The following SYT1 variants were observed in gnomAD, a reference collection of about 807,000 sequenced individuals.
The protein encoded by SYT1 is synaptotagmin 1.
A neutral mutation model predicts 44.8 loss-of-function variants in SYT1; 8 were observed. The observed-to-expected ratio is 0.18, with a 90% CI of 0.10 to 0.32. The LOEUF (loss-of-function observed/expected upper bound fraction) is 0.32, where lower values mean the gene tolerates loss of function less well. SYT1 is among the 10% of genes least tolerant of loss of function. The pLI is 1.00. For missense variants in SYT1, 286 were observed against 509.3 expected (o/e 0.56, Z 4.22); for synonymous variants, 154 against 188.8 (o/e 0.82, Z 1.51).
intron 1 of SYT1, among the ~76,000 whole-genome samples, chr12:78,931,180 A>AG (rs200014131): frequency 4.6e-3 from 71 of 15,334 alleles, no homozygotes; most frequent in Non-Finnish European, 6.3e-3. Flanking sequence ...AAAGAAAGAA[A>AG]AAGAAAGAAA....
chr12:79,381,866 A>G (rs1315199525), intron 9 of SYT1, among the ~76,000 whole-genome samples: 2 of 152,182 alleles, frequency 1.3e-5, no homozygotes, highest in Non-Finnish European at 2.9e-5. Context: ...TGACATGAAC[A>G]GATAAAATAA....
intron 1 of SYT1, among the ~76,000 whole-genome samples, chr12:78,943,330 C>T (rs571108528): frequency 1.3e-5 from 2 of 152,248 alleles, no homozygotes; most frequent in African/African-American, 4.8e-5. Context: ...GGCATCTGCA[C>T]AGCTTCTGGG....
At chr12:78,933,381 G>C (rs1877862187) in intron 1 of SYT1, among the ~76,000 whole-genome samples, 1 of 152,134 alleles carries the variant, frequency 6.6e-6, no homozygotes, top group Non-Finnish European at 1.5e-5. Context: ...AAAGGAGCTA[G>C]AACTTACTAA....
chr12:79,297,698 A>G (rs1879940928), intron 7 of SYT1, among the ~76,000 whole-genome samples: 1 of 152,162 alleles, frequency 6.6e-6, no homozygotes, highest in Admixed American at 6.5e-5. Flanking sequence ...ATTCTGCTAT[A>G]TTAAAAAATA....
intron 2 of SYT1, among the ~76,000 whole-genome samples, chr12:79,035,860 T>G (rs954921761): frequency 1.3e-5 from 2 of 151,572 alleles, no homozygotes; most frequent in African/African-American, 4.8e-5. Context: ...ACTGTACATC[T>G]TTGAACCTCA....
At chr12:78,871,462 T>C (rs1400089183) in intron 1 of SYT1, among the ~76,000 whole-genome samples, 1 of 151,978 alleles carries the variant, frequency 6.6e-6, no homozygotes, top group Non-Finnish European at 1.5e-5. Flanking sequence ...CAATATCCTA[T>C]GCCATACAAA....
intron 9 of SYT1, among the ~76,000 whole-genome samples, chr12:79,375,052 T>C (rs921981072): frequency 2.0e-5 from 3 of 152,232 alleles, no homozygotes; most frequent in African/African-American, 7.2e-5. Context: ...TTTTTATTTA[T>C]GGATACTGAT....
At chr12:78,944,611 G>T (rs1273532893) in intron 1 of SYT1, among the ~76,000 whole-genome samples, 1 of 151,920 alleles carries the variant, frequency 6.6e-6, no homozygotes, top group Non-Finnish European at 1.5e-5. Flanking sequence ...TAAAGTAAAA[G>T]AATATTGTGA....
intron 3 of SYT1, among the ~76,000 whole-genome samples, chr12:79,169,176 C>T (rs1375338721): frequency 6.6e-6 from 1 of 151,988 alleles, no homozygotes; most frequent in African/African-American, 2.4e-5. Flanking sequence ...CCCATTAATT[C>T]CAGTGCCTCA....
At chr12:79,251,999 G>GATAGATAA (rs1409207712) in intron 4 of SYT1, among the ~76,000 whole-genome samples, 1 of 151,784 alleles carries the variant, frequency 6.6e-6, no homozygotes, top group Non-Finnish European at 1.5e-5. Context: ...TAGATAGATA[G>GATAGATAA]ATAGATAGAT....
At chr12:79,339,455 G>A (rs1342261227) in intron 8 of SYT1, among the ~76,000 whole-genome samples, 2 of 152,178 alleles carry the variant, frequency 1.3e-5, no homozygotes, top group Non-Finnish European at 2.9e-5. Context: ...TCTGTTGGCT[G>A]CATAAATGTC....
At chr12:79,343,798 T>C (rs895670691) in intron 8 of SYT1, among the ~76,000 whole-genome samples, 5 of 152,166 alleles carry the variant, frequency 3.3e-5, no homozygotes, top group African/African-American at 1.2e-4. Flanking sequence ...GGGATAAAAG[T>C]AAATATAAAT....
chr12:79,241,275 T>A (rs28689980), intron 4 of SYT1, among the ~76,000 whole-genome samples: 8 of 144,670 alleles, frequency 5.5e-5, no homozygotes, highest in African/African-American at 1.0e-4. Flanking sequence ...TTTTTTTTTT[T>A]AATTTTATTT....
At chr12:79,238,276 G>T (rs893870181) in intron 4 of SYT1, among the ~76,000 whole-genome samples, 5 of 152,088 alleles carry the variant, frequency 3.3e-5, no homozygotes, top group Admixed American at 1.3e-4. Flanking sequence ...TCCTTTGTGG[G>T]CTTTAAGGAA....
chr12:79,260,882 T>A (rs1279727207), intron 4 of SYT1, among the ~76,000 whole-genome samples: 1 of 152,082 alleles, frequency 6.6e-6, no homozygotes, highest in East Asian at 1.9e-4. Flanking sequence ...TATTAAAATA[T>A]CCAACCATAT....
chr12:79,097,886 GT>G (rs1411525460), intron 3 of SYT1, among the ~76,000 whole-genome samples: 13 of 152,006 alleles, frequency 8.6e-5, no homozygotes, highest in Non-Finnish European at 1.9e-4. Context: ...GCCTTCTTTA[GT>G]GTGAAACAAG....
chr12:79,270,110 T>C (rs1468282426), intron 4 of SYT1, among the ~76,000 whole-genome samples: 1 of 152,198 alleles, frequency 6.6e-6, no homozygotes, highest in African/African-American at 2.4e-5. Flanking sequence ...CCTTGTGTGT[T>C]TTTGAAAATT....
chr12:79,217,568 A>G lies in SYT1; in HGVS notation c.49A>G (p.Thr17Ala). The G allele has an allele frequency of 6.2e-7, 1 of 1,612,266 alleles. No individual in the cohort carries two copies. The highest frequency in any genetic ancestry group is 8.5e-7 in the Non-Finnish European group (1 of 1,179,278). Residue 17 changes from threonine to alanine, a missense_variant, in exon 4 of 11, where the codon ACT (threonine) becomes GCT (alanine). Coordinates refer to ENST00000261205, the MANE Select transcript of SYT1 (RefSeq NM_005639.3). Reference protein sequence around the residue: ...HEALAAPPVTTVATVLPSNAT... With the variant: ...HEALAAPPVTAVATVLPSNAT... ...GGCCCTGGCAGCCCCGCCTGTCACCACTGTCGCGACTGTTCTGCCAAGCAA... is the reference window on the plus strand; with the variant it reads ...GGCCCTGGCAGCCCCGCCTGTCACCGCTGTCGCGACTGTTCTGCCAAGCAA...
chr12:79,345,819 CTG>C (rs1367458926), intron 8 of SYT1, among the ~76,000 whole-genome samples: 1 of 152,136 alleles, frequency 6.6e-6, no homozygotes, highest in African/African-American at 2.4e-5. Context: ...TAAGTGAAGA[CTG>C]TTTTAGTATT....
Sources: gnomAD v4.1 joint callset for allele counts (sites outside exome capture counted in the v4.1 genomes callset) on GRCh38, gnomAD v4.1.1 for gene constraint, MANE v1.5 for transcripts, NCBI Gene and HGNC (gene_info 2026-07-23, HGNC 2026-07-21) for gene names.